The following CFLAR variants were observed in gnomAD, a reference collection of about 807,000 sequenced individuals.
The protein encoded by CFLAR is CASP8 and FADD like apoptosis regulator, also known as CASP8 and FADD-like apoptosis regulator.
A neutral mutation model predicts 51.1 loss-of-function variants in CFLAR; 14 were observed. The observed-to-expected ratio is 0.27, with a 90% CI of 0.18 to 0.43. The LOEUF (loss-of-function observed/expected upper bound fraction) is 0.43. Among genes scored for constraint, CFLAR ranks in the 20% least tolerant of loss-of-function variants. The pLI is 1.00. For synonymous variants in CFLAR, 210 were observed against 211.6 expected (o/e 0.99, Z 0.06); for missense variants, 390 against 566.5 (o/e 0.69, Z 3.16).
chr2:201,133,654 G>A (rs188458102), intron 3 of CFLAR, among the ~76,000 whole-genome samples: 52 of 152,268 alleles, frequency 3.4e-4, no homozygotes, highest in African/African-American at 1.3e-3. Flanking sequence ...CAGGAGGCCG[G>A]GCGCAGTGGC....
rs1305877832 is a variant in CFLAR, at chr2:201,163,817, C to T, written c.1305-18C>T. The T allele has an allele frequency of 6.3e-7, 1 of 1,597,680 alleles. No homozygotes were observed. The highest frequency in any genetic ancestry group is 8.5e-7 in the Non-Finnish European group (1 of 1,173,004). Reference sequence around the variant, plus strand: ...ATATTTGCATGGCATTAAATTTTGCCTTTCTTGTTTTCTCCAGAAAACGCC... The same window carrying T: ...ATATTTGCATGGCATTAAATTTTGCTTTTCTTGTTTTCTCCAGAAAACGCC... On this transcript the variant is annotated intron_variant, in intron 9 of 9. Coordinates refer to ENST00000309955, the MANE Select transcript of CFLAR (RefSeq NM_003879.7).
rs1047706185 is a variant in CFLAR, at chr2:201,175,122, T to C, written c.*11149T>C. On this transcript the variant is annotated 3_prime_UTR_variant, in exon 10 of 10. Coordinates refer to ENST00000309955, the MANE Select transcript of CFLAR (RefSeq NM_003879.7). ...AATAAGCCACCTCTTGTTTAGCGTA[T>C]AGTCAAGAAGCAACCATAAATATAG... 6 of 152,220 alleles carry C rather than the reference T, an allele frequency of 3.9e-5. No homozygotes were observed. Among genetic ancestry groups the C allele is most frequent in the East Asian group, 1.9e-4 (1 of 5,202 alleles). 9.4% of individuals were successfully genotyped at this position (152,220 alleles called of 1,614,324 possible). A position where few individuals can be genotyped will look rare whatever the true frequency, so the allele number is the denominator to read the frequency against.
At position 201,138,004 on chromosome 2, in the gene CFLAR, G is replaced by T; in HGVS notation, c.523+1897G>T. ...ATGGGCACACCAAAGTTCTGGGTAT[G>T]CTTGGCCACCTTGTACACAGCAGTG... is the stretch of plus-strand genomic sequence containing the variant. On this transcript the variant is annotated intron_variant, in intron 4 of 9. Coordinates refer to ENST00000309955, the MANE Select transcript of CFLAR (RefSeq NM_003879.7). The surrounding 1 kb of genome is among the most constrained non-coding windows in gnomAD (Gnocchi z 4.0). 1.4e-6 allele frequency: 1 copy of T among 738,202 alleles called. No individual in the cohort carries two copies. The allele number at this position is 738,202 out of a possible 1,614,324, so 45.7% of individuals were successfully genotyped here. A position where few individuals can be genotyped will look rare whatever the true frequency, so the allele number is the denominator to read the frequency against.
chr2:201,132,973 G>A, intron 2 of CFLAR, 56 bp from the exon 3 acceptor site: 1 of 1,572,372 alleles, frequency 6.4e-7, no homozygotes, highest in Non-Finnish European at 8.7e-7. Flanking sequence ...GTGGGCACTT[G>A]GAGTTGTCTT....
chr2:201,149,185 TC>T (rs1940822215), intron 7 of CFLAR, 133 bp downstream of exon 7: 1 of 623,424 alleles, frequency 1.6e-6, no homozygotes, highest in Non-Finnish European at 2.9e-6. Context: ...CCTGAGAACT[TC>T]CATACAAGGG....
rs1268853198 is a variant in CFLAR at position 201,138,707 on chromosome 2, G to A, written c.524-1650G>A. ...TGTGCAAGGGGCTCAGCACCACGGG[G>A]TGTGTGATAAAGCCCGGTTCAAACT... On this transcript the variant is annotated intron_variant, in intron 4 of 9. Coordinates refer to ENST00000309955, the MANE Select transcript of CFLAR (RefSeq NM_003879.7). The surrounding 1 kb of genome is among the most constrained non-coding windows in gnomAD (Gnocchi z 4.0). 24 of 820,184 alleles carry A rather than the reference G, an allele frequency of 2.9e-5. No individual in the cohort carries two copies. Among genetic ancestry groups the A allele is most frequent in the South Asian group, 2.8e-4 (21 of 75,336 alleles). 50.8% of individuals were successfully genotyped at this position (820,184 alleles called of 1,614,324 possible). A position where few individuals can be genotyped will look rare whatever the true frequency, so the allele number is the denominator to read the frequency against.
chr2:201,162,207 A>G (rs924768829), intron 9 of CFLAR, among the ~76,000 whole-genome samples: 3 of 152,010 alleles, frequency 2.0e-5, no homozygotes, highest in African/African-American at 7.2e-5. Flanking sequence ...GGTTCAGGCA[A>G]TTCTCCTGCC....
At chr2:201,130,661 C>T (rs1394312697) in intron 2 of CFLAR, among the ~76,000 whole-genome samples, 1 of 152,112 alleles carries the variant, frequency 6.6e-6, no homozygotes, top group African/African-American at 2.4e-5. Context: ...CCATTGCCTC[C>T]AGCTGAAACA....
At position 201,176,304 on chromosome 2, in the gene CFLAR, T is replaced by TGGG. The variant is rs1944171483; in HGVS notation, c.*12332_*12333insGGG. ...GGGGGGGGGGGGCGGGCGGGGGAGC[T>TGGG]GCCTGTCCCTGGCACCACCTGTGAC... On this transcript the variant is annotated 3_prime_UTR_variant, in exon 10 of 10. Coordinates refer to ENST00000309955, the MANE Select transcript of CFLAR (RefSeq NM_003879.7). 7.3e-6 allele frequency: 1 copy of TGGG among 137,204 alleles called. No homozygotes were observed. Among genetic ancestry groups the TGGG allele is most frequent in the Non-Finnish European group, 1.5e-5 (1 of 65,420 alleles). The allele number at this position is 137,204 out of a possible 1,614,324, so 8.5% of individuals were successfully genotyped here. A position where few individuals can be genotyped will look rare whatever the true frequency, so the allele number is the denominator to read the frequency against.
intron 3 of CFLAR, among the ~76,000 whole-genome samples, chr2:201,133,494 A>T (rs1020942873): frequency 3.3e-5 from 5 of 152,054 alleles, no homozygotes; most frequent in Non-Finnish European, 7.4e-5. Context: ...CTAGTCCACT[A>T]TAGTATCACT....
At chr2:201,148,927 A>G in intron 6 of CFLAR, 76 bp from the exon 7 acceptor site, 1 of 955,670 alleles carries the variant, frequency 1.0e-6, no homozygotes, top group Non-Finnish European at 1.7e-6. Context: ...TTGTTATACA[A>G]AGAAACTCAG....
At chr2:201,122,974 G>T (rs1217575807) in intron 1 of CFLAR, among the ~76,000 whole-genome samples, 1 of 152,168 alleles carries the variant, frequency 6.6e-6, no homozygotes, top group African/African-American at 2.4e-5. Context: ...GCTATCTCCT[G>T]CAGGACCACT....
intron 5 of CFLAR, among the ~76,000 whole-genome samples, chr2:201,143,644 A>G (rs1939467823): frequency 6.6e-6 from 1 of 152,112 alleles, no homozygotes; most frequent in Admixed American, 6.5e-5. Context: ...ATTAAATGCC[A>G]CAGGATACCA....
chr2:201,121,689 A>G (rs2048200111), intron 1 of CFLAR, among the ~76,000 whole-genome samples: 2 of 152,228 alleles, frequency 1.3e-5, no homozygotes, highest in African/African-American at 4.8e-5. Context: ...CCAAAGGGCC[A>G]AGTTTGGCCC....
chr2:201,137,855 G>T, intron 4 of CFLAR: 1 of 897,896 alleles, frequency 1.1e-6, no homozygotes, highest in Non-Finnish European at 1.9e-6. Context: ...TTCCGTCTGA[G>T]AAGAAGCACT....
rs771361555 is a variant in CFLAR, at chr2:201,130,353, C to CTTTTTTTTT, written c.281+225_281+233dup. Among the ~76,000 whole-genome samples, 83 of 92,286 alleles carry CTTTTTTTTT rather than the reference C, an allele frequency of 9.0e-4. 1 individual carries two copies. Among genetic ancestry groups the CTTTTTTTTT allele is most frequent in the African/African-American group, 1.2e-3 (24 of 20,748 alleles). The allele number at this position is 92,286 out of a possible 152,430, so 60.5% of individuals were successfully genotyped here. On this transcript the variant is annotated intron_variant, in intron 2 of 9. Transcript: ENST00000309955. ...TTTCTTGCTTTCTTTTTCTTTCTTT[C>CTTTTTTTTT]TTTTTTTTTTTTTTTTTTTTTTTTT...
In CFLAR at chr2:201,165,118, T is replaced by A. The variant is rs1004061980; in HGVS notation, c.*1145T>A. 3 of 152,172 alleles carry A rather than the reference T, an allele frequency of 2.0e-5. No individual in the cohort carries two copies. Among genetic ancestry groups the A allele is most frequent in the Non-Finnish European group, 4.4e-5 (3 of 68,030 alleles). 9.4% of individuals were successfully genotyped at this position (152,172 alleles called of 1,614,324 possible). A position where few individuals can be genotyped will look rare whatever the true frequency, so the allele number is the denominator to read the frequency against. ...AGTTTGTAACAATAGCCTTATGATT[T>A]AGAGGTTACTTGTTCATTCACCTAG... is the stretch of plus-strand genomic sequence containing the variant. On this transcript the variant is annotated 3_prime_UTR_variant, in exon 10 of 10. Transcript: ENST00000309955.
rs1251840319 is a variant in CFLAR at position 201,167,111 on chromosome 2, C to A, written c.*3138C>A. The A allele has an allele frequency of 2.0e-5, 3 of 152,022 alleles. No homozygotes were observed. Among genetic ancestry groups the A allele is most frequent in the African/African-American group, 4.8e-5 (2 of 41,356 alleles). 9.4% of individuals were successfully genotyped at this position (152,022 alleles called of 1,614,324 possible). A position where few individuals can be genotyped will look rare whatever the true frequency, so the allele number is the denominator to read the frequency against. ...TCTTGAGGTTTTAACTGATGTGTATCTGTATGTCTATTTGTGTATATTTTG... is the reference window on the plus strand; with the variant it reads ...TCTTGAGGTTTTAACTGATGTGTATATGTATGTCTATTTGTGTATATTTTG... On this transcript the variant is annotated 3_prime_UTR_variant, in exon 10 of 10. Transcript: ENST00000309955.
In CFLAR at chr2:201,174,665, T is replaced by C. The variant is rs902358134; in HGVS notation, c.*10692T>C. On this transcript the variant is annotated 3_prime_UTR_variant, in exon 10 of 10. Transcript: ENST00000309955. ...CCCAAAGTGCTGAGGGGTGAGCCAC[T>C]GCAACTGGCCTGTTCTTTTTCAAAA... The C allele has an allele frequency of 6.6e-6, 1 of 152,224 alleles. No homozygotes were observed. Among genetic ancestry groups the C allele is most frequent in the Non-Finnish European group, 1.5e-5 (1 of 68,066 alleles). The allele number at this position is 152,224 out of a possible 1,614,324, so 9.4% of individuals were successfully genotyped here.
Sources: allele counts gnomAD v4.1 joint callset (sites outside exome capture counted in the v4.1 genomes callset), GRCh38; gene constraint gnomAD v4.1.1; non-coding constraint Gnocchi (gnomAD v3.1); transcripts MANE v1.5; gene names NCBI Gene and HGNC (gene_info 2026-07-23, HGNC 2026-07-21).